Variants in GLI3 observed in about 807,000 individuals in gnomAD.
The protein encoded by GLI3 is transcription activator GLI3.
In GLI3, 20 loss-of-function variants were observed where a neutral mutation model predicts 100.8. That is an observed-to-expected ratio of 0.20 (90% confidence interval 0.14 to 0.29). The LOEUF (loss-of-function observed/expected upper bound fraction) is 0.29, where lower values mean the gene tolerates loss of function less well. Ranked by LOEUF, GLI3 falls within the 10% of genes least tolerant of loss-of-function variation. The pLI is 1.00. For synonymous variants in GLI3, 938 were observed against 860.5 expected (o/e 1.09, Z -1.58); for missense variants, 2,040 against 2,128.5 (o/e 0.96, Z 0.82).
Position 42,194,529 on chromosome 7 carries a change from C to T in GLI3, c.124+28601G>A, listed in dbSNP as rs527673457. Reference sequence around the variant, plus strand: ...TTTCTAAGTTTCTGAGCTTTATATCCAGCCACTTGGATGCCCTCCAGCTTA... The same window carrying T: ...TTTCTAAGTTTCTGAGCTTTATATCTAGCCACTTGGATGCCCTCCAGCTTA... On this transcript the variant is annotated intron_variant, in intron 2 of 14. Coordinates refer to ENST00000395925, the MANE Select transcript of GLI3 (RefSeq NM_000168.6). Among the ~76,000 whole-genome samples, 13 of 152,232 alleles carry T rather than the reference C, an allele frequency of 8.5e-5. No individual in the cohort carries two copies. The South Asian group carries it at 2.7e-3, about 32-fold the overall frequency.
chr7:42,039,944 T>G, intron 7 of GLI3, 94 bp downstream of exon 7: 1 of 924,822 alleles, frequency 1.1e-6, no homozygotes, highest in Admixed American at 1.7e-5. Flanking sequence ...TTCTTCCTCA[T>G]AGGCAGTTGG....
intron 3 of GLI3, 69 bp downstream of exon 3, chr7:42,148,135 GCACACACACACACACACACACA>G: frequency 3.5e-6 from 3 of 866,622 alleles, no homozygotes; most frequent in South Asian, 2.2e-5. Flanking sequence ...CATAAAGCGC[GCACACACACACACACACACACA>G]CACACACACA....
rs1786445253 is a variant in GLI3 at position 42,137,016 on chromosome 7, C to A, written c.367+11210G>T. ...AACCGGGTTCAAACCTCAGTTCAGC[C>A]ACTTCCAAACCACGTAAAAATGGAC... On this transcript the variant is annotated intron_variant, in intron 3 of 14. Transcript: ENST00000395925. Among the ~76,000 whole-genome samples, 5 of 152,342 alleles carry A rather than the reference C, an allele frequency of 3.3e-5. No homozygotes were observed. The South Asian group carries it at 1.0e-3, about 32-fold the overall frequency.
rs140708286 is a variant in GLI3, at chr7:42,002,805, T to G, written c.1497+20663A>C. Among the ~76,000 whole-genome samples the G allele has an allele frequency of 2.2e-3, 336 of 152,326 alleles. 2 individuals carry two copies. Among genetic ancestry groups the G allele is most frequent in the African/African-American group, 7.3e-3 (304 of 41,566 alleles). On this transcript the variant is annotated intron_variant, in intron 10 of 14. Coordinates refer to ENST00000395925, the MANE Select transcript of GLI3 (RefSeq NM_000168.6). ...AAGCCAACTTGGCTCTCCCACTTAC[T>G]GGCAATGTGACAAGAGACAAGCTGC...
At chr7:42,030,145 A>T (rs1008070551) in intron 7 of GLI3, among the ~76,000 whole-genome samples, 9 of 152,098 alleles carry the variant, frequency 5.9e-5, no homozygotes, top group African/African-American at 2.2e-4. Flanking sequence ...CATTACCTGG[A>T]GGCTGCCCAC....
intron 10 of GLI3, among the ~76,000 whole-genome samples, chr7:42,007,024 G>A (rs1185872642): frequency 6.6e-6 from 1 of 151,956 alleles, no homozygotes; most frequent in Non-Finnish European, 1.5e-5. Context: ...GCTCTCCCAG[G>A]TGTTTTTAGC....
chr7:42,121,575 C>T (rs1303372468), intron 3 of GLI3, among the ~76,000 whole-genome samples: 1 of 152,188 alleles, frequency 6.6e-6, no homozygotes, highest in Non-Finnish European at 1.5e-5. Flanking sequence ...ATTCCCAAGC[C>T]CCTGCCCTCT....
chr7:41,979,379 C>T (rs1388473754), intron 10 of GLI3, among the ~76,000 whole-genome samples: 2 of 152,160 alleles, frequency 1.3e-5, no homozygotes, highest in South Asian at 2.1e-4. Flanking sequence ...ATAAGTTAGT[C>T]TTTCAGGGCC....
At chr7:42,225,334 T>G (rs1274319445) in intron 1 of GLI3, among the ~76,000 whole-genome samples, 1 of 149,944 alleles carries the variant, frequency 6.7e-6, no homozygotes, top group Non-Finnish European at 1.5e-5. Context: ...CTAAAGCTTG[T>G]TTTTTTGTTT....
rs1374969409 is a variant in GLI3 at position 41,964,810 on chromosome 7, G to A, written c.4263C>T (p.Ile1421=). The A allele has an allele frequency of 2.5e-6, 4 of 1,613,846 alleles. No individual in the cohort carries two copies. Among genetic ancestry groups the A allele is most frequent in the Non-Finnish European group, 3.4e-6 (4 of 1,179,996 alleles). Residue 1421 remains isoleucine (I), a synonymous_variant, in exon 15 of 15, where the codon ATC becomes ATT. Coordinates refer to ENST00000395925, the MANE Select transcript of GLI3 (RefSeq NM_000168.6). ...GGGGCTGCCCTTTCATCTCCATCTT[G>A]ATACCATTCACCCTGCAGGTCTGAC... ...DTSQTCRVNG[I]KMEMKGQPHP...
intron 2 of GLI3, among the ~76,000 whole-genome samples, chr7:42,181,749 T>A (rs1325118178): frequency 6.6e-6 from 1 of 152,194 alleles, no homozygotes; most frequent in Non-Finnish European, 1.5e-5. Flanking sequence ...TACATTCCCC[T>A]AAGATGACTA....
intron 3 of GLI3, among the ~76,000 whole-genome samples, chr7:42,140,857 G>A (rs900021131): frequency 2.0e-5 from 3 of 152,130 alleles, no homozygotes; most frequent in African/African-American, 7.2e-5. Flanking sequence ...TTAAGAAAGC[G>A]GGAGGGAAAG....
intron 2 of GLI3, among the ~76,000 whole-genome samples, chr7:42,182,658 A>ATATATATACATGTGTG (rs552891698): frequency 1.2e-4 from 7 of 56,052 alleles, no homozygotes; most frequent in African/African-American, 7.2e-4. Context: ...ATATATATAT[A>ATATATATACATGTGTG]TATATATATA....
intron 10 of GLI3, among the ~76,000 whole-genome samples, chr7:41,982,932 A>G (rs1787715376): frequency 2.0e-5 from 3 of 152,226 alleles, no homozygotes; most frequent in African/African-American, 7.2e-5. Flanking sequence ...CATTTTCTGT[A>G]AAAGCTAGAT....
At chr7:42,214,470 G>A (rs527890272) in intron 2 of GLI3, among the ~76,000 whole-genome samples, 8 of 146,472 alleles carry the variant, frequency 5.5e-5, no homozygotes, top group Non-Finnish European at 1.1e-4. Context: ...AAAAAAAAAA[G>A]AGACAGGAAG....
Position 42,055,590 on chromosome 7 carries a change from C to T in GLI3, c.474-6894G>A, listed in dbSNP as rs28578273. Among the ~76,000 whole-genome samples the T allele has an allele frequency of 2.7e-3, 406 of 152,246 alleles. 4 individuals are homozygous for T. Among genetic ancestry groups the T allele is most frequent in the African/African-American group, 9.1e-3 (379 of 41,536 alleles). On this transcript the variant is annotated intron_variant, in intron 4 of 14. Coordinates refer to ENST00000395925, the MANE Select transcript of GLI3 (RefSeq NM_000168.6). ...TCACTGAATCACTTTTTCATTCCAA[C>T]TTTGACTGTATTAGGGGCTTTACTA... is the stretch of plus-strand genomic sequence containing the variant.
intron 4 of GLI3, among the ~76,000 whole-genome samples, chr7:42,071,269 G>A (rs1364308787): frequency 1.3e-5 from 2 of 151,916 alleles, no homozygotes; most frequent in Admixed American, 6.6e-5. Context: ...GCTAGACTTT[G>A]CAATTTGATA....
intron 12 of GLI3, among the ~76,000 whole-genome samples, chr7:41,975,105 G>A (rs924529467): frequency 6.6e-6 from 1 of 152,110 alleles, no homozygotes; most frequent in African/African-American, 2.4e-5. Context: ...GGTATCTTTG[G>A]GGGAAAAATG....
At chr7:42,236,627 G>A (rs997284038) in intron 1 of GLI3, among the ~76,000 whole-genome samples, 12 of 152,216 alleles carry the variant, frequency 7.9e-5, no homozygotes, top group Non-Finnish European at 1.5e-4. Flanking sequence ...CGCGTGCGGG[G>A]CTCGCGGAGT....
Sources: allele counts gnomAD v4.1 joint callset (sites outside exome capture counted in the v4.1 genomes callset), GRCh38; gene constraint gnomAD v4.1.1; transcripts MANE v1.5; gene names NCBI Gene and HGNC (gene_info 2026-07-23, HGNC 2026-07-21).